The following VAX2 variants were observed in gnomAD, a reference collection of about 807,000 sequenced individuals.
VAX2 encodes the protein ventral anterior homeobox 2.
A neutral mutation model predicts 12.5 loss-of-function variants in VAX2; 8 were observed. That is an observed-to-expected ratio of 0.64 (90% confidence interval 0.37 to 1.15). The LOEUF is 1.15. VAX2 is among the 50% of genes most tolerant of loss of function. The probability of loss-of-function intolerance (pLI) is 0.01; values close to 1 mark genes in which losing one functional copy is unlikely to be tolerated. For missense variants in VAX2, 476 were observed against 412.9 expected, an observed-to-expected ratio of 1.15 and a Z score of -1.32; for synonymous variants, 183 against 187.6, an observed-to-expected ratio of 0.98 and a Z score of 0.20.
At chr2:70,906,520 CTT>C (rs869309305) in intron 1 of VAX2, among the ~76,000 whole-genome samples, 6,221 of 59,720 alleles carry the variant, frequency 0.1, 94 homozygotes, top group Admixed American at 0.15. Context: ...TTTTCTTTTC[CTT>C]TTTTTTTTTT....
Position 70,933,100 on chromosome 2 carries a change from G to C in VAX2, c.769G>C (p.Asp257His). 1 of 1,610,076 alleles carries C rather than the reference G, an allele frequency of 6.2e-7. No individual in the cohort carries two copies. Among genetic ancestry groups the C allele is most frequent in the Non-Finnish European group, 8.5e-7 (1 of 1,178,522 alleles). Residue 257 changes from aspartate (D) to histidine (H), a missense_variant, in exon 3 of 3, where the codon GAT becomes CAT. Coordinates refer to ENST00000234392, the MANE Select transcript of VAX2 (RefSeq NM_012476.3). The stretch of plus-strand genomic sequence containing the variant: ...CTGCTTTTCCTCGGCCCCGCTCCTG[G>C]ATCTGCCTGCCGGCTACGAACTGGG... ...AVCFSSAPLLDLPAGYELGSS... is the reference protein window; with the variant it reads ...AVCFSSAPLLHLPAGYELGSS...
intron 1 of VAX2, among the ~76,000 whole-genome samples, chr2:70,913,098 G>A (rs906246754): frequency 2.0e-5 from 3 of 152,146 alleles, no homozygotes; most frequent in South Asian, 4.1e-4. Flanking sequence ...AGAGACAACC[G>A]CAAATTTTAG....
At chr2:70,920,041 T>C (rs1423198548) in intron 1 of VAX2, among the ~76,000 whole-genome samples, 1 of 152,132 alleles carries the variant, frequency 6.6e-6, no homozygotes, top group East Asian at 1.9e-4. Context: ...CCTGCACCTG[T>C]GGAGGGTTGC....
intron 1 of VAX2, among the ~76,000 whole-genome samples, chr2:70,917,485 G>T (rs1330678129): frequency 6.6e-6 from 1 of 152,094 alleles, no homozygotes; most frequent in Non-Finnish European, 1.5e-5. Flanking sequence ...TACCAGCAAT[G>T]TAAGAGAGAT....
At chr2:70,922,239 T>C (rs1679474378) in intron 2 of VAX2, among the ~76,000 whole-genome samples, 1 of 152,184 alleles carries the variant, frequency 6.6e-6, no homozygotes. Flanking sequence ...GATCAATCAA[T>C]ACATGCATTG....
rs1678994981 is a variant in VAX2, at chr2:70,904,054, C to A, written c.247+3186C>A. 6.6e-6 allele frequency among the ~76,000 whole-genome samples: 1 copy of A among 152,232 alleles called. No homozygotes were observed. Among genetic ancestry groups the A allele is most frequent in the African/African-American group, 2.4e-5 (1 of 41,452 alleles). On this transcript the variant is annotated intron_variant, in intron 1 of 2. Coordinates refer to ENST00000234392, the MANE Select transcript of VAX2 (RefSeq NM_012476.3). The surrounding 1 kb of genome is among the most constrained non-coding windows in gnomAD (Gnocchi z 4.2). ...TGTCACACATGGGCACGGACCAGAG[C>A]TGCTGAGATGATAGGCCGGGCGCAT... is the stretch of plus-strand genomic sequence containing the variant.
intron 1 of VAX2, among the ~76,000 whole-genome samples, chr2:70,916,552 C>A (rs1553411966): frequency 9.2e-5 from 14 of 152,208 alleles, no homozygotes; most frequent in Non-Finnish European, 1.5e-5. Context: ...ATCCCCAAAT[C>A]CTGGCAACCA....
At chr2:70,914,864 C>T (rs1214850492) in intron 1 of VAX2, among the ~76,000 whole-genome samples, 2 of 149,314 alleles carry the variant, frequency 1.3e-5, no homozygotes, top group Non-Finnish European at 3.0e-5. Flanking sequence ...TGCAACGGTG[C>T]GATCTTGGCT....
chr2:70,903,128 A>G (rs1678970360), intron 1 of VAX2, among the ~76,000 whole-genome samples: 1 of 152,202 alleles, frequency 6.6e-6, no homozygotes, highest in African/African-American at 2.4e-5. Context: ...GATCAATGAA[A>G]CAGGCCTGGC....
At chr2:70,907,444 C>T (rs1679085798) in intron 1 of VAX2, among the ~76,000 whole-genome samples, 1 of 152,228 alleles carries the variant, frequency 6.6e-6, no homozygotes, top group African/African-American at 2.4e-5. Flanking sequence ...AAATCTGTGC[C>T]CCTGCCCCTG....
In VAX2 at chr2:70,900,821, A is replaced by T; in HGVS notation, c.200A>T (p.Gln67Leu). 1 of 1,484,052 alleles carries T rather than the reference A, an allele frequency of 6.7e-7. No individual in the cohort carries two copies. The highest frequency in any genetic ancestry group is 2.8e-5 in the East Asian group (1 of 35,644). The allele number at this position is 1,484,052 out of a possible 1,614,324, so 91.9% of individuals were successfully genotyped here. A position where few individuals can be genotyped will look rare whatever the true frequency, so the allele number is the denominator to read the frequency against. The change falls in exon 1 of 3, where the codon CAG (glutamine) becomes CTG (leucine). Residue 67 changes from glutamine (Q) to leucine (L), a missense_variant. Transcript: ENST00000234392. ...GAGAGTGGAGCCGACAGCGACGGGC[A>T]GCCCGGGCCCGGCGAGGCAGACCAC... ...SRESGADSDG[Q>L]PGPGEADHCR... is the part of the protein sequence containing the mutation.
chr2:70,917,166 A>AAT (rs1210594197), intron 1 of VAX2, among the ~76,000 whole-genome samples: 1 of 149,580 alleles, frequency 6.7e-6, no homozygotes, highest in African/African-American at 2.5e-5. Flanking sequence ...AAAAAAAAAA[A>AAT]AAAAAATCAG....
At position 70,929,686 on chromosome 2, in the gene VAX2, C is replaced by CAAAAAA. The variant is rs59020150; in HGVS notation, c.436-3074_436-3069dup. On this transcript the variant is annotated intron_variant, in intron 2 of 2. Coordinates refer to ENST00000234392, the MANE Select transcript of VAX2 (RefSeq NM_012476.3). ...TGGGCTACAGAGTGAGACTCCATCT[C>CAAAAAA]AAAAAAAAAAAACAATGTATATAGC... 2.9e-3 allele frequency among the ~76,000 whole-genome samples: 420 copies of CAAAAAA among 142,782 alleles called. 5 individuals carry two copies. The highest frequency in any genetic ancestry group is 9.2e-3 in the African/African-American group (352 of 38,094). 93.7% of individuals were successfully genotyped at this position (142,782 alleles called of 152,430 possible). A position where few individuals can be genotyped will look rare whatever the true frequency, so the allele number is the denominator to read the frequency against.
At chr2:70,917,669 G>C (rs771587561) in intron 1 of VAX2, among the ~76,000 whole-genome samples, 1 of 152,188 alleles carries the variant, frequency 6.6e-6, no homozygotes, top group Non-Finnish European at 1.5e-5. Flanking sequence ...TGGCAAGTCT[G>C]AGGTTGCCTT....
intron 1 of VAX2, among the ~76,000 whole-genome samples, chr2:70,919,385 G>T (rs115293078): frequency 1.0e-3 from 153 of 152,030 alleles, no homozygotes; most frequent in Non-Finnish European, 1.8e-3. Flanking sequence ...TGGAGACATT[G>T]AGAAGGTTAA....
rs74381387 is a variant in VAX2 at position 70,901,186 on chromosome 2, C to G, written c.247+318C>G. ...TGCGGGATGCTGAGAGCCTGGACTC[C>G]GTCCCGTGACCCTCAAGGCAAGTGC... On this transcript the variant is annotated intron_variant, in intron 1 of 2. Transcript: ENST00000234392. Among the ~76,000 whole-genome samples the G allele has an allele frequency of 1.4e-4, 21 of 152,340 alleles. No homozygotes were observed. The East Asian group carries it at 3.7e-3, about 27-fold the overall frequency.
chr2:70,905,486 C>T (rs1231527720), intron 1 of VAX2, among the ~76,000 whole-genome samples: 2 of 151,812 alleles, frequency 1.3e-5, no homozygotes, highest in Admixed American at 6.6e-5. Flanking sequence ...CCCTTACCCC[C>T]ACAAACACAC....
chr2:70,929,484 C>T lies in VAX2; in HGVS notation c.436-3283C>T, dbSNP rs1345077823. 2.7e-4 allele frequency among the ~76,000 whole-genome samples: 18 copies of T among 67,410 alleles called. No individual in the cohort carries two copies. The Admixed American group carries it at 2.7e-3, about 10-fold the overall frequency. The allele number at this position is 67,410 out of a possible 152,430, so 44.2% of individuals were successfully genotyped here. A position where few individuals can be genotyped will look rare whatever the true frequency, so the allele number is the denominator to read the frequency against. On this transcript the variant is annotated intron_variant, in intron 2 of 2. Transcript: ENST00000234392. ...TGGGCAGATCACGAGGTCAGGAGTT[C>T]GAGACCAGCCTGGCCAACATGGTGA...
chr2:70,919,284 G>C (rs1379007132), intron 1 of VAX2, among the ~76,000 whole-genome samples: 1 of 151,578 alleles, frequency 6.6e-6, no homozygotes, highest in Non-Finnish European at 1.5e-5. Context: ...GAGTTTCTTG[G>C]ACACTGCCAG....
Sources: gnomAD v4.1 joint callset for allele counts (sites outside exome capture counted in the v4.1 genomes callset) on GRCh38, gnomAD v4.1.1 for gene constraint, Gnocchi (gnomAD v3.1) non-coding constraint, MANE v1.5 for transcripts, NCBI Gene and HGNC (gene_info 2026-07-23, HGNC 2026-07-21) for gene names.